Variants in RIPOR3 observed in about 807,000 individuals in gnomAD.
The protein encoded by RIPOR3 is RIPOR family member 3.
Under a neutral mutation model 114.3 loss-of-function variants are expected in RIPOR3, and 95 were observed. That is an observed-to-expected ratio of 0.83 (90% CI 0.70 to 0.99). The LOEUF (loss-of-function observed/expected upper bound fraction) is 0.99. RIPOR3 is among the 50% of genes least tolerant of loss of function. The pLI is 0.00. For missense variants in RIPOR3, 1,252 were observed against 1,266.9 expected (o/e 0.99, Z 0.18); for synonymous variants, 575 against 543.8 (o/e 1.06, Z -0.80).
In RIPOR3 at chr20:50,587,036, T is replaced by A. The variant is rs1601423752; in HGVS notation, c.*196A>T. On this transcript the variant is annotated 3_prime_UTR_variant, in exon 22 of 22. Transcript: ENST00000327979. ...CCCCTGGAATGCTGTACCTTTGCCT[T>A]GCTTTTTTCTGCCTCTGTACAAAAG... is the stretch of plus-strand genomic sequence containing the variant. 3.4e-6 allele frequency: 2 copies of A among 580,398 alleles called. No homozygotes were observed. Among genetic ancestry groups the A allele is most frequent in the Non-Finnish European group, 6.2e-6 (2 of 325,110 alleles). The allele number at this position is 580,398 out of a possible 1,614,324, so 36.0% of individuals were successfully genotyped here. A position where few individuals can be genotyped will look rare whatever the true frequency, so the allele number is the denominator to read the frequency against.
At chr20:50,629,168 C>T (rs2084731507) in intron 2 of RIPOR3, among the ~76,000 whole-genome samples, 1 of 151,888 alleles carries the variant, frequency 6.6e-6, no homozygotes, top group South Asian at 2.1e-4. Flanking sequence ...GGGCCTCTAG[C>T]CAGGAGGGCG....
Position 50,608,894 on chromosome 20 carries a change from C to A in RIPOR3, c.684+18G>T, listed in dbSNP as rs776695248. On this transcript the variant is annotated intron_variant, in intron 9 of 21. Coordinates refer to ENST00000327979, the MANE Select transcript of RIPOR3 (RefSeq NM_001290268.2). The stretch of plus-strand genomic sequence containing the variant: ...CTGGCGGGGAGCCCTGAGGATTGAC[C>A]CCAGAGAGTGGCCGTACCTCATAGT... The A allele has an allele frequency of 6.3e-7, 1 of 1,597,744 alleles. No homozygotes were observed. Among genetic ancestry groups the A allele is most frequent in the African/African-American group, 1.3e-5 (1 of 74,884 alleles).
intron 1 of RIPOR3, among the ~76,000 whole-genome samples, chr20:50,682,738 T>TC (rs1375676038): frequency 6.6e-6 from 1 of 151,498 alleles, no homozygotes; most frequent in African/African-American, 2.4e-5. Context: ...AAACTTTTTT[T>TC]TTTTTTGAGA....
rs560853806 is a variant in RIPOR3 at position 50,620,278 on chromosome 20, G to A, written c.123-146C>T. On this transcript the variant is annotated intron_variant, in intron 2 of 21. Coordinates refer to ENST00000327979, the MANE Select transcript of RIPOR3 (RefSeq NM_001290268.2). ...CCCACCCCCATCACCACCAAGCAGT[G>A]TGGTTTCCAGAAAGTTATGGAGCCT... is the stretch of plus-strand genomic sequence containing the variant. The A allele has an allele frequency of 7.4e-6, 7 of 941,488 alleles. No homozygotes were observed. The East Asian group carries it at 1.8e-4, about 25-fold the overall frequency. The allele number at this position is 941,488 out of a possible 1,614,324, so 58.3% of individuals were successfully genotyped here. A position where few individuals can be genotyped will look rare whatever the true frequency, so the allele number is the denominator to read the frequency against.
At chr20:50,655,031 G>C (rs771865224) in intron 1 of RIPOR3, among the ~76,000 whole-genome samples, 2 of 152,266 alleles carry the variant, frequency 1.3e-5, no homozygotes, top group Non-Finnish European at 2.9e-5. Context: ...TTATGGGCGT[G>C]AGCCACTGCA....
intron 1 of RIPOR3, among the ~76,000 whole-genome samples, chr20:50,667,863 CGTA>C (rs1357153303): frequency 6.6e-6 from 1 of 152,182 alleles, no homozygotes; most frequent in Non-Finnish European, 1.5e-5. Context: ...GGGTAAGTTC[CGTA>C]GCCTCTCTGA....
At chr20:50,688,568 A>T (rs565221335) in intron 1 of RIPOR3, among the ~76,000 whole-genome samples, 20 of 152,334 alleles carry the variant, frequency 1.3e-4, no homozygotes, top group Admixed American at 5.9e-4. Flanking sequence ...TCTGACAATC[A>T]GCTTTCACAA....
chr20:50,654,323 T>C (rs2085728107), intron 1 of RIPOR3, among the ~76,000 whole-genome samples: 1 of 151,448 alleles, frequency 6.6e-6, no homozygotes, highest in East Asian at 1.9e-4. Context: ...CCTGCCATCA[T>C]GCCCAACTAA....
chr20:50,616,092 G>T lies in RIPOR3; in HGVS notation c.270-12C>A, dbSNP rs1180522898. 1 of 1,609,090 alleles carries T rather than the reference G, an allele frequency of 6.2e-7. No individual in the cohort carries two copies. Among genetic ancestry groups the T allele is most frequent in the South Asian group, 1.1e-5 (1 of 89,856 alleles). On this transcript the variant is annotated splice_polypyrimidine_tract_variant and intron_variant, in intron 3 of 21. Coordinates refer to ENST00000327979, the MANE Select transcript of RIPOR3 (RefSeq NM_001290268.2). ...CACACAGATACTCCCTGCAAGGAAA[G>T]CAAGGAAGAGTTTCAAATGGAAGAG...
rs779249727 is a variant in RIPOR3, at chr20:50,608,941, C to T, written c.655G>A (p.Ala219Thr). The part of the protein sequence containing the change: ...HIRMKGLVGY[A>T]RLCPGDHYEV... ...TAGTGGTCTCCGGGACAGAGGCGTG[C>T]GTAGCCCACCAAGCCTGGAACACAG... Residue 219 changes from alanine (A) to threonine (T), a missense_variant, in exon 9 of 22, where the codon GCA (alanine) becomes ACA (threonine). Physicochemically the swap from Ala to Thr is moderately conservative, Grantham distance 58. Transcript: ENST00000327979. 33 of 1,584,242 alleles carry T rather than the reference C, an allele frequency of 2.1e-5. No homozygotes were observed. Among genetic ancestry groups the T allele is most frequent in the East Asian group, 6.9e-5 (3 of 43,714 alleles).
Position 50,597,600 on chromosome 20 carries a change from A to G in RIPOR3, c.1770T>C (p.Phe590=), listed in dbSNP as rs2083339147. 1 of 1,608,944 alleles carries G rather than the reference A, an allele frequency of 6.2e-7. No homozygotes were observed. Among genetic ancestry groups the G allele is most frequent in the African/African-American group, 1.3e-5 (1 of 74,922 alleles). Residue 590 remains phenylalanine (F), a synonymous_variant, in exon 14 of 22, where the codon TTT becomes TTC. Transcript: ENST00000327979. Reference sequence around the variant, plus strand: ...CTCACCGGAGACCCTGGGAGCCCCCAAACAGGGACAGCTCATCCAGGGCGA... The same window carrying G: ...CTCACCGGAGACCCTGGGAGCCCCCGAACAGGGACAGCTCATCCAGGGCGA... ...ADFALDELSL[F]GGSQGLRKDR...
chr20:50,626,442 G>A (rs1199648189), intron 2 of RIPOR3, among the ~76,000 whole-genome samples: 3 of 152,216 alleles, frequency 2.0e-5, no homozygotes, highest in South Asian at 2.1e-4. Flanking sequence ...CCTTGCTGAC[G>A]GCCAGCGAGC....
rs149708746 is a variant in RIPOR3, at chr20:50,663,580, A to G, written c.3+27546T>C. On this transcript the variant is annotated intron_variant, in intron 1 of 21. Transcript: ENST00000327979. ...AGCCCAAGGTCAGCTCCCTAAAATG[A>G]TGAAGTTCATATCACAAGAGGCCCC... 7.1e-3 allele frequency among the ~76,000 whole-genome samples: 1,081 copies of G among 152,256 alleles called. 11 individuals are homozygous for G. Among genetic ancestry groups the G allele is most frequent in the African/African-American group, 0.025 (1,031 of 41,548 alleles).
intron 2 of RIPOR3, among the ~76,000 whole-genome samples, chr20:50,622,084 T>G (rs1316280858): frequency 6.6e-6 from 1 of 152,134 alleles, no homozygotes; most frequent in African/African-American, 2.4e-5. Context: ...TCTAAAGCCA[T>G]CAGCCAGGCG....
At chr20:50,688,455 T>C (rs1193267220) in intron 1 of RIPOR3, among the ~76,000 whole-genome samples, 1 of 152,228 alleles carries the variant, frequency 6.6e-6, no homozygotes, top group Non-Finnish European at 1.5e-5. Context: ...ACACTCAGCC[T>C]TGACTACCTT....
At chr20:50,629,530 C>G (rs1179338368) in intron 2 of RIPOR3, among the ~76,000 whole-genome samples, 3 of 152,178 alleles carry the variant, frequency 2.0e-5, no homozygotes, top group Non-Finnish European at 2.9e-5. Context: ...GTACCTAAAG[C>G]CGGAGGAGAC....
Position 50,691,138 on chromosome 20 carries a change from C to G in RIPOR3, c.-10G>C, listed in dbSNP as rs1019730132. 5 of 1,289,498 alleles carry G rather than the reference C, an allele frequency of 3.9e-6. No homozygotes were observed. The African/African-American group carries it at 7.6e-5, about 20-fold the overall frequency. 79.9% of individuals were successfully genotyped at this position (1,289,498 alleles called of 1,614,324 possible). A position where few individuals can be genotyped will look rare whatever the true frequency, so the allele number is the denominator to read the frequency against. On this transcript the variant is annotated 5_prime_UTR_variant, in exon 1 of 22. Transcript: ENST00000327979. ...ACTTCACACTCACCATCGAGCAGGT[C>G]TGGACACTCGAGTGCAGTCCCGCCG...
At chr20:50,647,091 G>T (rs534594349) in intron 1 of RIPOR3, among the ~76,000 whole-genome samples, 1 of 152,288 alleles carries the variant, frequency 6.6e-6, no homozygotes, top group Admixed American at 6.5e-5. Context: ...AGGCCGAGGC[G>T]GACGGATCAC....
intron 1 of RIPOR3, among the ~76,000 whole-genome samples, chr20:50,677,661 C>T (rs1381872564): frequency 2.7e-5 from 4 of 149,506 alleles, no homozygotes; most frequent in East Asian, 2.0e-4. Context: ...CGTGAGCCAC[C>T]GCGCCTGGCC....
Sources: allele counts gnomAD v4.1 joint callset (sites outside exome capture counted in the v4.1 genomes callset), GRCh38; gene constraint gnomAD v4.1.1; transcripts MANE v1.5; gene names NCBI Gene and HGNC (gene_info 2026-07-23, HGNC 2026-07-21).